CFAP20DC: variants seen among roughly 807,000 people sequenced by gnomAD.
CFAP20DC encodes the protein CFAP20 domain containing.
Under a neutral mutation model 101.7 loss-of-function variants are expected in CFAP20DC, and 84 were observed. The observed-to-expected ratio is 0.83, with a 90% CI of 0.69 to 0.99. The LOEUF is 0.99. Ranked by LOEUF, CFAP20DC falls within the 50% of genes least tolerant of loss-of-function variation. The pLI is 0.00. For missense variants in CFAP20DC, 1,007 were observed against 970.3 expected (o/e 1.04, Z -0.50); for synonymous variants, 359 against 351.2 (o/e 1.02, Z -0.25).
intron 14 of CFAP20DC, among the ~76,000 whole-genome samples, chr3:58,821,158 G>A (rs998068355): frequency 6.6e-6 from 1 of 151,920 alleles, no homozygotes; most frequent in Non-Finnish European, 1.5e-5. Flanking sequence ...ATGGATTAAA[G>A]ATTTAAACGT....
intron 5 of CFAP20DC, 128 bp downstream of exon 5, chr3:58,937,520 C>A (rs1245368265): frequency 6.2e-6 from 4 of 647,110 alleles, no homozygotes; most frequent in African/African-American, 1.8e-5. Context: ...GGAAGGAAGG[C>A]CATGAATTTT....
intron 4 of CFAP20DC, among the ~76,000 whole-genome samples, chr3:59,028,453 A>C (rs2093930999): frequency 6.6e-6 from 1 of 152,230 alleles, no homozygotes; most frequent in Admixed American, 6.5e-5. Flanking sequence ...AAACTGTCTT[A>C]TGAGAAGCCT....
chr3:58,867,389 T>C (rs989571312), intron 10 of CFAP20DC, among the ~76,000 whole-genome samples: 2 of 152,144 alleles, frequency 1.3e-5, no homozygotes, highest in African/African-American at 2.4e-5. Flanking sequence ...GTATAACATA[T>C]GGTGAATAAT....
At chr3:58,739,678 T>A (rs1418543910), downstream of CFAP20DC, among the ~76,000 whole-genome samples, 1 of 152,214 alleles carries the variant, frequency 6.6e-6, no homozygotes, top group African/African-American at 2.4e-5. Flanking sequence ...CTAAGCAAGT[T>A]AGACTCTCTG....
chr3:58,838,731 A>G (rs1421279503), intron 13 of CFAP20DC, among the ~76,000 whole-genome samples: 1 of 152,216 alleles, frequency 6.6e-6, no homozygotes, highest in African/African-American at 2.4e-5. Context: ...TGACAAATAG[A>G]GCTGAACTCT....
chr3:58,948,276 CTCTT>C (rs1248789800), intron 4 of CFAP20DC, among the ~76,000 whole-genome samples: 3 of 152,352 alleles, frequency 2.0e-5, no homozygotes, highest in East Asian at 1.9e-4. Flanking sequence ...AGCCCCTTCT[CTCTT>C]TATTATGCCA....
chr3:58,876,416 A>T (rs1407046020), intron 7 of CFAP20DC, among the ~76,000 whole-genome samples: 1 of 152,104 alleles, frequency 6.6e-6, no homozygotes, highest in African/African-American at 2.4e-5. Context: ...TACAAGCAGA[A>T]ATGCATGCTT....
intron 4 of CFAP20DC, among the ~76,000 whole-genome samples, chr3:59,029,756 A>G (rs745639514): frequency 2.0e-5 from 3 of 152,174 alleles, no homozygotes; most frequent in Non-Finnish European, 2.9e-5. Flanking sequence ...CTGGAAGTCC[A>G]CTGGGAAGCT....
intron 3 of CFAP20DC, among the ~76,000 whole-genome samples, chr3:58,734,282 AC>A (rs925741925): frequency 1.3e-5 from 2 of 152,204 alleles, no homozygotes; most frequent in Non-Finnish European, 2.9e-5. Flanking sequence ...TTCATGAATT[AC>A]CAAGTTTCAG....
chr3:58,905,107 A>T lies in CFAP20DC; in HGVS notation c.550+8601T>A, dbSNP rs1305612459. Reference sequence around the variant, plus strand: ...TCTTTTCTCACATTTCTGAACACAGAATACACAGAACACAGAGCACAGAAT... The same window carrying T: ...TCTTTTCTCACATTTCTGAACACAGTATACACAGAACACAGAGCACAGAAT... On this transcript the variant is annotated intron_variant, in intron 6 of 16. Transcript: ENST00000482387. Among the ~76,000 whole-genome samples the T allele has an allele frequency of 5.3e-5, 8 of 152,314 alleles. 1 individual carries two copies. The highest frequency in any genetic ancestry group is 4.1e-4 in the South Asian group (2 of 4,828).
chr3:58,877,242 C>T (rs887448085), intron 7 of CFAP20DC, among the ~76,000 whole-genome samples: 2 of 152,154 alleles, frequency 1.3e-5, no homozygotes, highest in South Asian at 2.1e-4. Flanking sequence ...TGCTCTAGTA[C>T]TGTGTAAGAC....
intron 14 of CFAP20DC, among the ~76,000 whole-genome samples, chr3:58,810,766 C>T (rs1339396519): frequency 1.3e-5 from 2 of 151,328 alleles, no homozygotes; most frequent in Non-Finnish European, 2.9e-5. Context: ...GTCAAATTGT[C>T]CCTGTTTGCA....
chr3:58,742,009 T>G lies in CFAP20DC; in HGVS notation c.*451A>C, dbSNP rs2067903422. The G allele has an allele frequency of 1.1e-6, 1 of 893,584 alleles. No individual in the cohort carries two copies. The highest frequency in any genetic ancestry group is 1.3e-6 in the Non-Finnish European group (1 of 745,704). 55.4% of individuals were successfully genotyped at this position (893,584 alleles called of 1,614,324 possible). On this transcript the variant is annotated 3_prime_UTR_variant, in exon 17 of 17. Coordinates refer to ENST00000482387, the MANE Select transcript of CFAP20DC (RefSeq NM_001394063.1). ...TGAAAAGAAGCAGTTTAAAAGCTAT[T>G]CTTCTTACCATCATACTTTATTTTT...
At chr3:58,750,797 T>C (rs1208301575) in intron 16 of CFAP20DC, among the ~76,000 whole-genome samples, 3 of 152,194 alleles carry the variant, frequency 2.0e-5, no homozygotes, top group Non-Finnish European at 2.9e-5. Context: ...ATCTCTTCCA[T>C]ACATGAGGAA....
intron 14 of CFAP20DC, among the ~76,000 whole-genome samples, chr3:58,820,111 C>G (rs114918364): frequency 0.051 from 7,697 of 151,834 alleles, 245 homozygotes; most frequent in Non-Finnish European, 0.076. Flanking sequence ...GCTAAGAACT[C>G]TGAATAAATT....
chr3:58,830,358 C>G (rs957752111), intron 14 of CFAP20DC, among the ~76,000 whole-genome samples: 1 of 152,066 alleles, frequency 6.6e-6, no homozygotes, highest in Non-Finnish European at 1.5e-5. Flanking sequence ...GGTCAGGAGC[C>G]CAGACTTAGG....
chr3:58,933,152 A>G (rs796800840), intron 5 of CFAP20DC, among the ~76,000 whole-genome samples: 1 of 152,080 alleles, frequency 6.6e-6, no homozygotes, highest in African/African-American at 2.4e-5. Flanking sequence ...CTTTAAACCA[A>G]CAAAGATCAA....
At chr3:58,979,665 C>T (rs567197386) in intron 4 of CFAP20DC, among the ~76,000 whole-genome samples, 8 of 152,244 alleles carry the variant, frequency 5.3e-5, no homozygotes, top group East Asian at 1.9e-4. Flanking sequence ...GCACTTTAGG[C>T]GCTTGTCAAA....
intron 3 of CFAP20DC, among the ~76,000 whole-genome samples, chr3:58,723,071 C>T (rs1379378912): frequency 1.3e-5 from 2 of 152,296 alleles, no homozygotes; most frequent in Non-Finnish European, 2.9e-5. Flanking sequence ...TAAACAAAAC[C>T]TGATGCTAAG....
Sources: allele counts gnomAD v4.1 joint callset (sites outside exome capture counted in the v4.1 genomes callset), GRCh38; gene constraint gnomAD v4.1.1; transcripts MANE v1.5; gene names NCBI Gene and HGNC (gene_info 2026-07-23, HGNC 2026-07-21).